The following PCDH15 variants were observed in gnomAD, a reference collection of about 807,000 sequenced individuals.
The protein encoded by PCDH15 is protocadherin-15.
Under a neutral mutation model 178.5 loss-of-function variants are expected in PCDH15, and 129 were observed. That is an observed-to-expected ratio of 0.72 (90% CI 0.63 to 0.84). The LOEUF is 0.84. Among genes scored for constraint, PCDH15 ranks in the 40% least tolerant of loss-of-function variants. The pLI is 0.00. For synonymous variants in PCDH15, 800 were observed against 732.0 expected, an observed-to-expected ratio of 1.09 and a Z score of -1.50; for missense variants, 2,230 against 2,099.9, an observed-to-expected ratio of 1.06 and a Z score of -1.21.
At chr10:54,788,258 G>A (rs1415347504) in intron 1 of PCDH15, among the ~76,000 whole-genome samples, 4 of 151,834 alleles carry the variant, frequency 2.6e-5, no homozygotes, top group Admixed American at 1.3e-4. Context: ...ATTAGTAGAC[G>A]AAATAAGATT....
intron 32 of PCDH15, among the ~76,000 whole-genome samples, chr10:53,827,169 T>G (rs1287982755): frequency 1.3e-5 from 2 of 152,140 alleles, no homozygotes; most frequent in Non-Finnish European, 2.9e-5. Context: ...GAAGTTGAAT[T>G]CTGCTTTTCT....
intron 2 of PCDH15, among the ~76,000 whole-genome samples, chr10:54,618,330 T>TA (rs1172354376): frequency 6.6e-6 from 1 of 152,126 alleles, no homozygotes; most frequent in Non-Finnish European, 1.5e-5. Flanking sequence ...TCTTCCTCAT[T>TA]TAAAACACTT....
chr10:54,343,757 G>T (rs376926721), intron 6 of PCDH15, among the ~76,000 whole-genome samples: 2 of 151,132 alleles, frequency 1.3e-5, no homozygotes, highest in African/African-American at 4.9e-5. Flanking sequence ...TAACAAACCC[G>T]CACGTTGTGC....
intron 8 of PCDH15, among the ~76,000 whole-genome samples, chr10:54,275,857 T>C (rs577323645): frequency 2.0e-5 from 3 of 151,674 alleles, no homozygotes; most frequent in East Asian, 3.9e-4. Flanking sequence ...GATCCATATA[T>C]GAAAATTTGT....
At chr10:54,678,878 G>A (rs1350886619) in intron 1 of PCDH15, among the ~76,000 whole-genome samples, 2 of 152,160 alleles carry the variant, frequency 1.3e-5, no homozygotes, top group Non-Finnish European at 1.5e-5. Context: ...TAACACTTAT[G>A]TAATCAATGT....
chr10:55,026,249 T>A (rs953322311), intron 2 of PCDH15, among the ~76,000 whole-genome samples: 1 of 151,646 alleles, frequency 6.6e-6, no homozygotes, highest in South Asian at 2.1e-4. Flanking sequence ...TTAACATAGA[T>A]AATAATTATT....
intron 3 of PCDH15, among the ~76,000 whole-genome samples, chr10:54,883,647 A>G (rs1954302456): frequency 6.6e-6 from 1 of 152,000 alleles, no homozygotes; most frequent in African/African-American, 2.4e-5. Flanking sequence ...TATAGATTCC[A>G]GCAGTTTTAT....
intron 2 of PCDH15, among the ~76,000 whole-genome samples, chr10:54,920,512 A>G (rs1023304190): frequency 2.0e-5 from 3 of 148,100 alleles, no homozygotes; most frequent in East Asian, 4.0e-4. Context: ...GTGTGTGTAT[A>G]TATTAGGCGA....
intron 20 of PCDH15, among the ~76,000 whole-genome samples, chr10:54,014,048 T>C (rs1002800106): frequency 2.6e-5 from 4 of 151,756 alleles, no homozygotes; most frequent in African/African-American, 7.3e-5. Flanking sequence ...AAGATCCAAC[T>C]AAACACAATC....
At chr10:54,024,544 A>G (rs911302858) in intron 18 of PCDH15, among the ~76,000 whole-genome samples, 1 of 152,180 alleles carries the variant, frequency 6.6e-6, no homozygotes, top group African/African-American at 2.4e-5. Context: ...TGTGAAAATC[A>G]TGTTTACAAC....
At chr10:55,111,695 T>C in intron 2 of PCDH15, among the ~76,000 whole-genome samples, 1 of 151,904 alleles carries the variant, frequency 6.6e-6, no homozygotes, top group East Asian at 1.9e-4. Flanking sequence ...AATACAAAAT[T>C]AGCCAGGCGT....
chr10:53,911,319 A>G (rs575623908), intron 25 of PCDH15, among the ~76,000 whole-genome samples: 4 of 152,318 alleles, frequency 2.6e-5, no homozygotes, highest in African/African-American at 9.6e-5. Context: ...TCAAAACCGC[A>G]TAACTACATG....
At chr10:54,229,786 G>A (rs2053863676) in intron 9 of PCDH15, among the ~76,000 whole-genome samples, 1 of 152,144 alleles carries the variant, frequency 6.6e-6, no homozygotes, top group Admixed American at 6.6e-5. Context: ...TCTCAGGTAT[G>A]TCTTTATCAG....
intron 8 of PCDH15, among the ~76,000 whole-genome samples, chr10:54,314,736 G>C (rs375825581): frequency 1.3e-5 from 2 of 152,012 alleles, no homozygotes; most frequent in African/African-American, 2.4e-5. Flanking sequence ...TCTTCCTTCT[G>C]TTCATGAGTT....
At chr10:54,626,746 A>G (rs576437311) in intron 2 of PCDH15, among the ~76,000 whole-genome samples, 1 of 152,140 alleles carries the variant, frequency 6.6e-6, no homozygotes, top group Admixed American at 6.5e-5. Context: ...GGCACTGCCT[A>G]GTAGAGCTGT....
At chr10:54,842,053 T>C (rs967177433) in intron 3 of PCDH15, among the ~76,000 whole-genome samples, 1 of 151,854 alleles carries the variant, frequency 6.6e-6, no homozygotes, top group East Asian at 1.9e-4. Flanking sequence ...GAAATAAAGA[T>C]CTTTAGTTAT....
chr10:54,247,988 T>C (rs1214373442), intron 8 of PCDH15, among the ~76,000 whole-genome samples: 1 of 149,554 alleles, frequency 6.7e-6, no homozygotes, highest in African/African-American at 2.4e-5. Flanking sequence ...ATTCTTAATA[T>C]GTGGAAATTA....
At chr10:54,756,056 A>C (rs10584499) in intron 1 of PCDH15, among the ~76,000 whole-genome samples, 3,230 of 71,714 alleles carry the variant, frequency 0.045, 185 homozygotes, top group African/African-American at 0.13. Flanking sequence ...CTCTACTAAA[A>C]ACACACACAC....
At chr10:54,971,034 G>A (rs1245476120) in intron 2 of PCDH15, among the ~76,000 whole-genome samples, 4 of 152,216 alleles carry the variant, frequency 2.6e-5, no homozygotes, top group Non-Finnish European at 5.9e-5. Flanking sequence ...TAATTTAGAT[G>A]AGACTCTAGA....
Sources: allele counts gnomAD v4.1 joint callset (sites outside exome capture counted in the v4.1 genomes callset), GRCh38; gene constraint gnomAD v4.1.1; transcripts MANE v1.5; gene names NCBI Gene and HGNC (gene_info 2026-07-23, HGNC 2026-07-21).